ZNF804B: variants seen among roughly 807,000 people sequenced by gnomAD.
The protein encoded by ZNF804B is zinc finger 804B.
In ZNF804B, 80 loss-of-function variants were observed where a neutral mutation model predicts 101.4. The ratio of observed to expected loss-of-function variants is 0.79; its 90% CI spans 0.66 to 0.95. ZNF804B has a LOEUF of 0.95. Among genes scored for constraint, ZNF804B ranks in the 40% least tolerant of loss-of-function variants. The pLI, the probability that ZNF804B is intolerant of heterozygous loss-of-function variation, is 0.00. For synonymous variants in ZNF804B, 622 were observed against 558.8 expected, an observed-to-expected ratio of 1.11 and a Z score of -1.59; for missense variants, 1,673 against 1,561.9, an observed-to-expected ratio of 1.07 and a Z score of -1.20.
intron 1 of ZNF804B, among the ~76,000 whole-genome samples, chr7:89,153,567 TA>T (rs35221316): frequency 0.17 from 26,310 of 151,850 alleles, 2,468 homozygotes; most frequent in African/African-American, 0.23. Context: ...AGAGATATAA[TA>T]AGGTTTTTCA....
chr7:88,979,071 T>G lies in ZNF804B; in HGVS notation c.108+218987T>G, dbSNP rs527327665. Among the ~76,000 whole-genome samples, 15 of 152,112 alleles carry G rather than the reference T, an allele frequency of 9.9e-5. No homozygotes were observed. In the South Asian group the frequency reaches 2.5e-3, roughly 25 times the overall value. On this transcript the variant is annotated intron_variant, in intron 1 of 3. Transcript: ENST00000333190. Reference sequence around the variant, plus strand: ...ATGCAAGAGAAAGCTAGTAAAACTTTACACTTTAATTTCATCCTCTGCTTT... The same window carrying G: ...ATGCAAGAGAAAGCTAGTAAAACTTGACACTTTAATTTCATCCTCTGCTTT...
At chr7:88,861,164 T>C (rs2115856251) in intron 1 of ZNF804B, among the ~76,000 whole-genome samples, 1 of 152,328 alleles carries the variant, frequency 6.6e-6, no homozygotes, top group East Asian at 1.9e-4. Context: ...GACACGGTCC[T>C]TGTCGTTATG....
intron 1 of ZNF804B, among the ~76,000 whole-genome samples, chr7:89,087,347 AG>A (rs200536421): frequency 1.4e-5 from 2 of 142,180 alleles, no homozygotes; most frequent in East Asian, 4.4e-4. Context: ...ATAAAAAAAA[AG>A]GGTCCAAATG....
intron 2 of ZNF804B, among the ~76,000 whole-genome samples, chr7:89,234,865 A>G (rs1789256646): frequency 6.6e-6 from 1 of 152,004 alleles, no homozygotes; most frequent in Admixed American, 6.6e-5. Flanking sequence ...ACTAGGACTG[A>G]TCCATGCCAC....
chr7:88,770,008 A>G (rs1297073790), intron 1 of ZNF804B, among the ~76,000 whole-genome samples: 2 of 152,236 alleles, frequency 1.3e-5, no homozygotes, highest in African/African-American at 4.8e-5. Flanking sequence ...TTTTATGGTC[A>G]GTTTCTTAAT....
At chr7:89,313,002 G>A (rs1326610590) in intron 2 of ZNF804B, among the ~76,000 whole-genome samples, 1 of 152,142 alleles carries the variant, frequency 6.6e-6, no homozygotes, top group Non-Finnish European at 1.5e-5. Context: ...ATCTGTAAAT[G>A]TCTTCCAAAT....
intron 1 of ZNF804B, among the ~76,000 whole-genome samples, chr7:88,947,211 C>T (rs1051076281): frequency 2.0e-5 from 3 of 151,976 alleles, no homozygotes; most frequent in African/African-American, 7.2e-5. Context: ...AAGACACATG[C>T]ACACATTTGT....
intron 2 of ZNF804B, among the ~76,000 whole-genome samples, chr7:89,310,834 T>G (rs1790641106): frequency 6.6e-6 from 1 of 152,208 alleles, no homozygotes; most frequent in African/African-American, 2.4e-5. Context: ...GCAGGGAGGT[T>G]GTGACCATGA....
At chr7:88,762,832 T>G (rs556805943) in intron 1 of ZNF804B, among the ~76,000 whole-genome samples, 35 of 152,258 alleles carry the variant, frequency 2.3e-4, no homozygotes, top group African/African-American at 7.5e-4. Context: ...TTAACTAACT[T>G]TCACTAAGAT....
At chr7:89,249,337 C>T (rs1488816683) in intron 2 of ZNF804B, among the ~76,000 whole-genome samples, 2 of 152,154 alleles carry the variant, frequency 1.3e-5, no homozygotes, top group East Asian at 3.9e-4. Flanking sequence ...ACATTATTCT[C>T]ACCTGCACAT....
chr7:88,846,786 A>G (rs957048409), intron 1 of ZNF804B, among the ~76,000 whole-genome samples: 4 of 150,028 alleles, frequency 2.7e-5, no homozygotes, highest in African/African-American at 5.1e-5. Context: ...ATATATATGT[A>G]TATATGTGTG....
chr7:89,314,099 T>A (rs1401967502), intron 2 of ZNF804B, among the ~76,000 whole-genome samples: 1 of 152,084 alleles, frequency 6.6e-6, no homozygotes, highest in Admixed American at 6.6e-5. Flanking sequence ...AACAGCACAA[T>A]TCAAAAAAAA....
chr7:89,225,848 G>C (rs1789080743), intron 2 of ZNF804B, among the ~76,000 whole-genome samples: 1 of 152,090 alleles, frequency 6.6e-6, no homozygotes, highest in African/African-American at 2.4e-5. Flanking sequence ...CAAATGATAT[G>C]ACTAGATTTG....
At chr7:88,831,207 T>C (rs1251003059) in intron 1 of ZNF804B, among the ~76,000 whole-genome samples, 3 of 151,892 alleles carry the variant, frequency 2.0e-5, no homozygotes, top group African/African-American at 7.2e-5. Context: ...TTACAGTCAT[T>C]AGCAGTCACT....
At chr7:89,246,790 C>G (rs1049715240) in intron 2 of ZNF804B, among the ~76,000 whole-genome samples, 3 of 152,116 alleles carry the variant, frequency 2.0e-5, no homozygotes, top group African/African-American at 7.2e-5. Flanking sequence ...CAATAGGACC[C>G]TCTCTACTCC....
chr7:89,114,148 T>C (rs1028922035), intron 1 of ZNF804B, among the ~76,000 whole-genome samples: 10 of 152,218 alleles, frequency 6.6e-5, no homozygotes, highest in African/African-American at 2.4e-4. Flanking sequence ...ACTTGGATAC[T>C]AATCATTTGA....
At position 88,829,596 on chromosome 7, in the gene ZNF804B, A is replaced by G. The variant is rs574486731; in HGVS notation, c.108+69512A>G. On this transcript the variant is annotated intron_variant, in intron 1 of 3. Coordinates refer to ENST00000333190, the MANE Select transcript of ZNF804B (RefSeq NM_181646.5). ...TTCTAAGGAAATTGAAGAAAGTCTC[A>G]TATAATAAAGCTGGATACTCTTCCA... 5.3e-5 allele frequency among the ~76,000 whole-genome samples: 8 copies of G among 152,228 alleles called. No individual in the cohort carries two copies. The East Asian group carries it at 1.2e-3, about 22-fold the overall frequency.
chr7:88,764,479 A>G (rs1019500478), intron 1 of ZNF804B, among the ~76,000 whole-genome samples: 1 of 152,164 alleles, frequency 6.6e-6, no homozygotes, highest in African/African-American at 2.4e-5. Context: ...AGCTGATTAA[A>G]TTGGCTAATA....
At chr7:88,861,135 A>T (rs1243108283) in intron 1 of ZNF804B, among the ~76,000 whole-genome samples, 1 of 152,190 alleles carries the variant, frequency 6.6e-6, no homozygotes, top group Non-Finnish European at 1.5e-5. Context: ...TAAGTGCTAG[A>T]GAACATAAAG....
Sources: gnomAD v4.1 joint callset for allele counts (sites outside exome capture counted in the v4.1 genomes callset) on GRCh38, gnomAD v4.1.1 for gene constraint, MANE v1.5 for transcripts, NCBI Gene and HGNC (gene_info 2026-07-23, HGNC 2026-07-21) for gene names.